ADAMDEC1: variants seen among roughly 807,000 people sequenced by gnomAD.
ADAMDEC1 encodes ADAM like decysin 1, also known as ADAM DEC1.
Under a neutral mutation model 60.4 loss-of-function variants are expected in ADAMDEC1, and 62 were observed. The observed-to-expected ratio is 1.03, with a 90% CI of 0.84 to 1.27. The LOEUF is 1.27. Ranked by LOEUF, ADAMDEC1 falls within the 50% of genes most tolerant of loss-of-function variation. The pLI, the probability that ADAMDEC1 is intolerant of heterozygous loss-of-function variation, is 0.00. For missense variants in ADAMDEC1, 595 were observed against 565.0 expected (o/e 1.05, Z -0.54); for synonymous variants, 210 against 195.1 (o/e 1.08, Z -0.64).
chr8:24,399,457 T>C lies in ADAMDEC1; in HGVS notation c.994T>C (p.Ser332Pro). The C allele has an allele frequency of 5.0e-6, 8 of 1,613,854 alleles. No homozygotes were observed. Among genetic ancestry groups the C allele is most frequent in the Non-Finnish European group, 6.8e-6 (8 of 1,179,810 alleles). ...TTCAAATTCCTTGTGTTCCCCATCT[T>C]CGGTTGCTGTTATTGAGGTTTGTAA... is the stretch of plus-strand genomic sequence containing the variant. ...AASNSLCSPS[S>P]VAVIEAKKKN... The change falls in exon 10 of 14, where the codon TCG becomes CCG. Residue 332 changes from serine (S) to proline (P), a missense_variant. Coordinates refer to ENST00000256412, the MANE Select transcript of ADAMDEC1 (RefSeq NM_014479.3).
chr8:24,404,250 T>C (rs887408238), intron 13 of ADAMDEC1, among the ~76,000 whole-genome samples, 162 bp downstream of exon 13: 1 of 152,188 alleles, frequency 6.6e-6, no homozygotes, highest in Non-Finnish European at 1.5e-5. Context: ...ATTATGAGCA[T>C]GACTAAGGAT....
At chr8:24,385,754 G>C (rs951156702) in intron 1 of ADAMDEC1, among the ~76,000 whole-genome samples, 3 of 152,120 alleles carry the variant, frequency 2.0e-5, no homozygotes, top group Non-Finnish European at 4.4e-5. Context: ...GTTTAAAATA[G>C]AATGAGGGCT....
In ADAMDEC1 at chr8:24,384,424, G is replaced by C. The variant is rs961297452; in HGVS notation, c.-81G>C. On this transcript the variant is annotated 5_prime_UTR_variant, in exon 1 of 14. Transcript: ENST00000256412. ...AACATTCCCCAATCTCACACGAAAA[G>C]TGGGGGTTTTAATTTTCTTGTTCAA... 1 of 1,163,894 alleles carries C rather than the reference G, an allele frequency of 8.6e-7. No homozygotes were observed. Among genetic ancestry groups the C allele is most frequent in the Non-Finnish European group, 1.2e-6 (1 of 835,096 alleles). The allele number at this position is 1,163,894 out of a possible 1,614,324, so 72.1% of individuals were successfully genotyped here.
chr8:24,403,046 A>G (rs1235656040), intron 12 of ADAMDEC1, among the ~76,000 whole-genome samples: 3 of 152,146 alleles, frequency 2.0e-5, no homozygotes, highest in African/African-American at 4.8e-5. Context: ...AGTAAATGGT[A>G]TGTATTTACA....
At chr8:24,384,688 T>A in intron 1 of ADAMDEC1, 96 bp downstream of exon 1, 1 of 1,133,514 alleles carries the variant, frequency 8.8e-7, no homozygotes, top group Non-Finnish European at 1.2e-6. Context: ...GTTTTTATGG[T>A]CGAAAGACCA....
At chr8:24,396,264 A>C (rs1049282582) in intron 5 of ADAMDEC1, among the ~76,000 whole-genome samples, 3 of 152,194 alleles carry the variant, frequency 2.0e-5, no homozygotes, top group Non-Finnish European at 4.4e-5. Flanking sequence ...TAATCCCAGC[A>C]CTTTGGGAGG....
intron 1 of ADAMDEC1, among the ~76,000 whole-genome samples, chr8:24,386,296 T>C (rs1475480608): frequency 1.3e-5 from 2 of 152,246 alleles, no homozygotes; most frequent in Admixed American, 6.5e-5. Flanking sequence ...TAAATTATTC[T>C]TCTTTCAATC....
At chr8:24,387,498 A>G (rs1192169552) in intron 1 of ADAMDEC1, 2 of 151,964 alleles carry the variant, frequency 1.3e-5, no homozygotes, top group Non-Finnish European at 2.9e-5. Flanking sequence ...TGATGTTAAG[A>G]TTTCTCCCCA....
chr8:24,404,196 A>G (rs1234807282), intron 13 of ADAMDEC1, 108 bp downstream of exon 13: 4 of 952,568 alleles, frequency 4.2e-6, no homozygotes, highest in African/African-American at 1.7e-5. Flanking sequence ...AATGTATTTT[A>G]TATTTTTCAA....
Position 24,392,242 on chromosome 8 carries a change from T to C in ADAMDEC1, c.89-20T>C, listed in dbSNP as rs77463895. On this transcript the variant is annotated intron_variant, in intron 1 of 13. Coordinates refer to ENST00000256412, the MANE Select transcript of ADAMDEC1 (RefSeq NM_014479.3). Reference sequence around the variant, plus strand: ...AAAACCTTTAAATCTTTTATGTGAATATTATTTCTCTTTCTCTAGCAATAG... The same window carrying C: ...AAAACCTTTAAATCTTTTATGTGAACATTATTTCTCTTTCTCTAGCAATAG... The C allele has an allele frequency of 4.4e-3, 6,799 of 1,542,820 alleles. 275 individuals carry two copies. The African/African-American group carries it at 0.085, about 19-fold the overall frequency.
At position 24,398,854 on chromosome 8, in the gene ADAMDEC1, GA is replaced by G; in HGVS notation, c.763-19del. 1 of 1,608,854 alleles carries G rather than the reference GA, an allele frequency of 6.2e-7. No individual in the cohort carries two copies. The highest frequency in any genetic ancestry group is 8.5e-7 in the Non-Finnish European group (1 of 1,178,352). On this transcript the variant is annotated intron_variant, in intron 8 of 13. Coordinates refer to ENST00000256412, the MANE Select transcript of ADAMDEC1 (RefSeq NM_014479.3). ...AAGGAATCCTGAACATTTTTATGAA[GA>G]TAAATGCTCTTTCCACAGATATATA...
intron 1 of ADAMDEC1, among the ~76,000 whole-genome samples, chr8:24,386,734 T>C (rs959390709): frequency 2.6e-5 from 4 of 152,178 alleles, no homozygotes; most frequent in Admixed American, 2.6e-4. Context: ...TTATCCCAAC[T>C]TAAAATGAAT....
At chr8:24,398,633 A>G in intron 8 of ADAMDEC1, 82 bp downstream of exon 8, 1 of 1,118,226 alleles carries the variant, frequency 8.9e-7, no homozygotes, top group South Asian at 1.5e-5. Context: ...ACCAACAAGA[A>G]GTTAAAAAGA....
intron 5 of ADAMDEC1, 44 bp from the exon 6 acceptor site, chr8:24,397,226 C>A: frequency 6.4e-7 from 1 of 1,559,060 alleles, no homozygotes; most frequent in Non-Finnish European, 8.7e-7. Context: ...AAATATGACA[C>A]TGTGTGTCAG....
chr8:24,394,209 G>A, intron 4 of ADAMDEC1, 62 bp downstream of exon 4: 2 of 1,311,672 alleles, frequency 1.5e-6, no homozygotes, highest in Non-Finnish European at 2.2e-6. Flanking sequence ...TTGTGCTAAT[G>A]TTAACTAAGA....
chr8:24,387,970 G>A (rs1465574848), intron 1 of ADAMDEC1: 1 of 152,554 alleles, frequency 6.6e-6, no homozygotes, highest in Non-Finnish European at 1.5e-5. Flanking sequence ...CTTTTATTCA[G>A]TGCAAGCACA....
At chr8:24,391,899 A>C (rs1417707846) in intron 1 of ADAMDEC1, among the ~76,000 whole-genome samples, 4 of 152,156 alleles carry the variant, frequency 2.6e-5, no homozygotes, top group Non-Finnish European at 4.4e-5. Context: ...AAGACTCTAA[A>C]GCAATAAGGA....
chr8:24,398,490 A>G lies in ADAMDEC1; in HGVS notation c.701A>G (p.Tyr234Cys). 1 of 1,583,828 alleles carries G rather than the reference A, an allele frequency of 6.3e-7. No homozygotes were observed. Residue 234 changes from tyrosine to cysteine, a missense_variant, in exon 8 of 14, where the codon TAT (tyrosine) becomes TGT (cysteine). By Grantham distance (194) the Tyr-to-Cys change is radical. Coordinates refer to ENST00000256412, the MANE Select transcript of ADAMDEC1 (RefSeq NM_014479.3). ...TTTTGTATTTTACAGTATAAGAACTATAATGAGAATCTAACTCTGATAAGA... is the reference window on the plus strand; with the variant it reads ...TTTTGTATTTTACAGTATAAGAACTGTAATGAGAATCTAACTCTGATAAGA... ...LVLDNAFYKN[Y>C]NENLTLIRSF...
chr8:24,392,846 T>TCATTTTG (rs1817480704), intron 2 of ADAMDEC1, among the ~76,000 whole-genome samples: 1 of 148,904 alleles, frequency 6.7e-6, no homozygotes, highest in South Asian at 2.2e-4. Context: ...AGTATTTCCC[T>TCATTTTG]CATTTTGTAA....
Sources: gnomAD v4.1 joint callset for allele counts (sites outside exome capture counted in the v4.1 genomes callset) on GRCh38, gnomAD v4.1.1 for gene constraint, MANE v1.5 for transcripts, NCBI Gene and HGNC (gene_info 2026-07-23, HGNC 2026-07-21) for gene names.